The following CACNB2 variants were observed in gnomAD, a reference collection of about 807,000 sequenced individuals.
The protein encoded by CACNB2 is voltage-dependent L-type calcium channel subunit beta-2.
CACNB2 carries 42 observed loss-of-function variants against 73.3 expected under a neutral mutation model. The observed-to-expected ratio is 0.57, with a 90% CI of 0.45 to 0.74. CACNB2 has a LOEUF of 0.74. CACNB2 is among the 30% of genes least tolerant of loss of function. CACNB2 has a pLI of 0.00. For missense variants in CACNB2, 940 were observed against 853.0 expected, an observed-to-expected ratio of 1.10 and a Z score of -1.27; for synonymous variants, 348 against 310.3, an observed-to-expected ratio of 1.12 and a Z score of -1.28.
At chr10:18,317,880 C>G (rs1004209960) in intron 2 of CACNB2, among the ~76,000 whole-genome samples, 1 of 152,118 alleles carries the variant, frequency 6.6e-6, no homozygotes, top group Non-Finnish European at 1.5e-5. Context: ...TCTTTATGCT[C>G]TAAAAGAATC....
chr10:18,401,450 C>T (rs1006517989), intron 2 of CACNB2, among the ~76,000 whole-genome samples: 3 of 152,150 alleles, frequency 2.0e-5, no homozygotes, highest in Admixed American at 1.3e-4. Flanking sequence ...AAGGCTTTTT[C>T]AGATTAAAGT....
Position 18,325,870 on chromosome 10 carries a change from GAGT to G in CACNB2, c.214-76051_214-76049del, listed in dbSNP as rs532135414. Among the ~76,000 whole-genome samples, 9 of 151,814 alleles carry G rather than the reference GAGT, an allele frequency of 5.9e-5. No homozygotes were observed. The South Asian group carries it at 1.9e-3, about 32-fold the overall frequency. On this transcript the variant is annotated intron_variant, in intron 2 of 13. Coordinates refer to ENST00000324631, the MANE Select transcript of CACNB2 (RefSeq NM_201596.3). ...AGCCAACCTCTCACCTCAGCCTCCTGAGTAGCTGGGACCAGAGGCGCACACCAC... is the reference window on the plus strand; with the variant it reads ...AGCCAACCTCTCACCTCAGCCTCCTGAGCTGGGACCAGAGGCGCACACCAC...
chr10:18,212,654 C>G (rs536379010), intron 2 of CACNB2, among the ~76,000 whole-genome samples: 2 of 152,148 alleles, frequency 1.3e-5, no homozygotes, highest in East Asian at 1.9e-4. Context: ...TTTAAGTTTT[C>G]TATTTGGATA....
intron 2 of CACNB2, among the ~76,000 whole-genome samples, chr10:18,386,476 C>T (rs1224061613): frequency 6.9e-6 from 1 of 145,326 alleles, no homozygotes; most frequent in African/African-American, 2.6e-5. Flanking sequence ...CATCTCGGCT[C>T]ACTGCAAGCT....
chr10:18,401,236 A>G, intron 2 of CACNB2: 1 of 1,050,828 alleles, frequency 9.5e-7, no homozygotes, highest in African/African-American at 1.6e-5. Flanking sequence ...AGCTAGGGAG[A>G]TTCCTCTCAT....
chr10:18,440,815 A>T (rs1371342086), intron 3 of CACNB2, among the ~76,000 whole-genome samples: 1 of 152,234 alleles, frequency 6.6e-6, no homozygotes, highest in Non-Finnish European at 1.5e-5. Context: ...GTCTGAATAC[A>T]GAGAAAGGGG....
At chr10:18,307,991 T>A (rs1175430504) in intron 2 of CACNB2, among the ~76,000 whole-genome samples, 6 of 125,756 alleles carry the variant, frequency 4.8e-5, no homozygotes, top group Admixed American at 1.6e-4. Context: ...AACTTTTTTT[T>A]TTTTTTTTTT....
chr10:18,302,276 G>A (rs1192900006), intron 2 of CACNB2, among the ~76,000 whole-genome samples: 3 of 152,164 alleles, frequency 2.0e-5, no homozygotes, highest in Non-Finnish European at 2.9e-5. Context: ...GGGGTGGGTC[G>A]GGGGGCGCTT....
intron 2 of CACNB2, among the ~76,000 whole-genome samples, chr10:18,168,783 A>C (rs1332235660): frequency 6.6e-6 from 1 of 152,214 alleles, no homozygotes; most frequent in Non-Finnish European, 1.5e-5. Flanking sequence ...TAGATTATAG[A>C]ACTCTGTTTT....
intron 4 of CACNB2, among the ~76,000 whole-genome samples, chr10:18,499,742 C>G (rs938730267): frequency 9.8e-6 from 1 of 102,492 alleles, no homozygotes; most frequent in Non-Finnish European, 2.2e-5. Flanking sequence ...TTTGGAAGGC[C>G]GAGGAAGGCA....
chr10:18,157,135 A>C (rs16916896), intron 2 of CACNB2, among the ~76,000 whole-genome samples: 5,341 of 152,236 alleles, frequency 0.035, 310 homozygotes, highest in African/African-American at 0.12. Flanking sequence ...GTTGCAGACA[A>C]AAATGTTACC....
chr10:18,497,943 T>C (rs1383406405), intron 3 of CACNB2, among the ~76,000 whole-genome samples: 1 of 152,154 alleles, frequency 6.6e-6, no homozygotes, highest in Non-Finnish European at 1.5e-5. Flanking sequence ...TCTTTAATGA[T>C]TAATTAATTA....
At chr10:18,493,357 G>T (rs937870625) in intron 3 of CACNB2, among the ~76,000 whole-genome samples, 2 of 152,082 alleles carry the variant, frequency 1.3e-5, no homozygotes, top group African/African-American at 4.8e-5. Flanking sequence ...TAGTAGAGAC[G>T]TGGTTTCTCC....
chr10:18,211,144 C>G (rs1272517960), intron 2 of CACNB2, among the ~76,000 whole-genome samples: 1 of 152,006 alleles, frequency 6.6e-6, no homozygotes, highest in Non-Finnish European at 1.5e-5. Context: ...GAGGGCTATG[C>G]AGTAAGTTGA....
At chr10:18,220,566 C>G (rs999344990) in intron 2 of CACNB2, among the ~76,000 whole-genome samples, 2 of 151,908 alleles carry the variant, frequency 1.3e-5, no homozygotes, top group African/African-American at 4.8e-5. Context: ...CCAGCCTTAT[C>G]TGTGTTTATT....
chr10:18,194,085 G>C (rs1341025443), intron 2 of CACNB2, among the ~76,000 whole-genome samples: 8 of 152,044 alleles, frequency 5.3e-5, no homozygotes, highest in Admixed American at 3.3e-4. Flanking sequence ...TGAGTATGAA[G>C]GATTCTCTCA....
At chr10:18,442,155 C>CT (rs199900016) in intron 3 of CACNB2, among the ~76,000 whole-genome samples, 24 of 151,514 alleles carry the variant, frequency 1.6e-4, no homozygotes, top group Admixed American at 5.3e-4. Context: ...TCTGGCTATT[C>CT]TTTTTTTTAT....
chr10:18,423,442 A>G (rs1359473894), intron 3 of CACNB2, among the ~76,000 whole-genome samples: 1 of 152,212 alleles, frequency 6.6e-6, no homozygotes, highest in East Asian at 1.9e-4. Context: ...TAGGAAGCCA[A>G]GTTCCTGACT....
intron 2 of CACNB2, among the ~76,000 whole-genome samples, chr10:18,299,084 AAAAT>A (rs1392337882): frequency 2.4e-5 from 2 of 82,986 alleles, no homozygotes; most frequent in South Asian, 3.8e-4. Flanking sequence ...AAAAAAATAA[AAAAT>A]AAAAGAAAAA....
Sources: allele counts gnomAD v4.1 joint callset (sites outside exome capture counted in the v4.1 genomes callset), GRCh38; gene constraint gnomAD v4.1.1; transcripts MANE v1.5; gene names NCBI Gene and HGNC (gene_info 2026-07-23, HGNC 2026-07-21).